Variants in OR6N1 observed in about 807,000 individuals in gnomAD.
OR6N1 encodes olfactory receptor 6N1.
For synonymous variants in OR6N1, 170 were observed against 150.7 expected, an observed-to-expected ratio of 1.13 and a Z score of -0.94; for missense variants, 394 against 371.7, an observed-to-expected ratio of 1.06 and a Z score of -0.49.
the OR6N1 span, among the ~76,000 whole-genome samples, chr1:158,825,640 G>T: frequency 3.9e-5 from 6 of 152,144 alleles, no homozygotes; most frequent in Non-Finnish European, 7.4e-5. Context: ...TGCTGGCAAG[G>T]TTACAGAGAA....
In OR6N1 at chr1:158,766,320, A is replaced by T. The variant is rs367811958; in HGVS notation, c.363T>A (p.Asp121Glu). 3.0e-5 allele frequency: 49 copies of T among 1,613,990 alleles called. No individual in the cohort carries two copies. In the African/African-American group the frequency reaches 6.0e-4, roughly 20 times the overall value. The part of the protein sequence containing the change: ...ECYLLTAMAY[D>E]RYLAICRPLH... ...GGGGCCGGCAGATGGCTAAATACCT[A>T]TCGTAGGCCATAGCTGTCAGGAGAT... The change falls in exon 2 of 2, where the codon GAT becomes GAA. Residue 121 changes from aspartate (D) to glutamate (E), a missense_variant. Transcript: ENST00000641846.
the OR6N1 span, among the ~76,000 whole-genome samples, chr1:158,811,256 G>A: frequency 0.13 from 19,448 of 152,062 alleles, 1,728 homozygotes; most frequent in South Asian, 0.35. Flanking sequence ...CAGCAGTGCC[G>A]TCACTTCTGC....
At chr1:158,793,280 A>T in the OR6N1 span, among the ~76,000 whole-genome samples, 2 of 151,862 alleles carry the variant, frequency 1.3e-5, no homozygotes, top group East Asian at 3.9e-4. Flanking sequence ...TATTTCAAAG[A>T]TTTCATCTTG....
chr1:158,764,593 T>C lies in OR6N1; in HGVS notation c.*1151A>G, dbSNP rs1195485472. ...TTTGTAATCTTCTTAGGAAGTTCTA[T>C]AGAATTCAAAGATTTCTTGTAGTTA... On this transcript the variant is annotated 3_prime_UTR_variant, in exon 2 of 2. Coordinates refer to ENST00000641846, the MANE Select transcript of OR6N1 (RefSeq NM_001005185.2). 1 of 152,100 alleles carries C rather than the reference T, an allele frequency of 6.6e-6. No individual in the cohort carries two copies. The highest frequency in any genetic ancestry group is 1.5e-5 in the Non-Finnish European group (1 of 67,968). 9.4% of individuals were successfully genotyped at this position (152,100 alleles called of 1,614,324 possible). A position where few individuals can be genotyped will look rare whatever the true frequency, so the allele number is the denominator to read the frequency against.
chr1:158,777,742 A>G, the OR6N1 span: 3 of 672,804 alleles, frequency 4.5e-6, no homozygotes, highest in Non-Finnish European at 5.1e-6. Context: ...TAAAAGTAGC[A>G]CTGAAATTAC....
chr1:158,773,652 T>C (rs1213077745), upstream of OR6N1, among the ~76,000 whole-genome samples: 1 of 152,104 alleles, frequency 6.6e-6, no homozygotes, highest in Non-Finnish European at 1.5e-5. Context: ...GCAAAAATGA[T>C]TTCATCCACC....
Position 158,766,231 on chromosome 1 carries a change from C to T in OR6N1, c.452G>A (p.Gly151Glu). 1 of 1,614,086 alleles carries T rather than the reference C, an allele frequency of 6.2e-7. No homozygotes were observed. The highest frequency in any genetic ancestry group is 8.5e-7 in the Non-Finnish European group (1 of 1,180,028). Residue 151 changes from glycine (G) to glutamate (E), a missense_variant, in exon 2 of 2, where the codon GGA becomes GAA. Transcript: ENST00000641846. ...CAEIAIGCWL[G>E]GLAGPVVEIS... ...TTCAACTACTGGCCCAGCCAAGCCT[C>T]CCAACCAACAGCCAATGGCAATCTC...
the OR6N1 span, among the ~76,000 whole-genome samples, chr1:158,827,232 A>T: frequency 2.0e-5 from 3 of 152,198 alleles, no homozygotes; most frequent in Admixed American, 2.0e-4. Context: ...CCAAATGAAA[A>T]CACAAGGATA....
In OR6N1 at chr1:158,765,912, G is replaced by A; in HGVS notation, c.771C>T (p.Ser257=). The A allele has an allele frequency of 6.2e-7, 1 of 1,614,142 alleles. No individual in the cohort carries two copies. The highest frequency in any genetic ancestry group is 1.3e-5 in the African/African-American group (1 of 75,038). ...VVLIFYGSIL[S]MYVQLKKSYS... is the part of the protein sequence containing the mutation. ...AGCTCTTCTTCAGCTGCACATACAT[G>A]GAAAGGATGCTCCCATAGAAGATGA... The change falls in exon 2 of 2, where the codon TCC becomes TCT. Residue 257 remains serine (S), a synonymous_variant. Transcript: ENST00000641846.
chr1:158,809,331 T>C, the OR6N1 span: 1 of 152,618 alleles, frequency 6.6e-6, no homozygotes, highest in Non-Finnish European at 1.5e-5. Context: ...ACTGACGTGA[T>C]CCATGATTCC....
At chr1:158,834,502 T>C in the OR6N1 span, among the ~76,000 whole-genome samples, 1 of 152,194 alleles carries the variant, frequency 6.6e-6, no homozygotes, top group Non-Finnish European at 1.5e-5. Context: ...GAGTTGGCTG[T>C]ATATTCTGGA....
the OR6N1 span, among the ~76,000 whole-genome samples, chr1:158,813,999 C>T: frequency 6.6e-6 from 1 of 152,050 alleles, no homozygotes; most frequent in Non-Finnish European, 1.5e-5. Flanking sequence ...CATGCCTAGC[C>T]AGATGTACTG....
chr1:158,829,748 T>C, the OR6N1 span, among the ~76,000 whole-genome samples: 1 of 152,182 alleles, frequency 6.6e-6, no homozygotes, highest in Non-Finnish European at 1.5e-5. Flanking sequence ...TCTGTTTTCA[T>C]GCTGTTGATA....
the OR6N1 span, among the ~76,000 whole-genome samples, chr1:158,778,298 T>C: frequency 1.3e-5 from 2 of 152,214 alleles, no homozygotes; most frequent in African/African-American, 4.8e-5. Context: ...ACAGAACACT[T>C]CAGTGTGCCT....
At chr1:158,771,780 T>C (rs1279887611) in intron 1 of OR6N1, among the ~76,000 whole-genome samples, 1 of 152,228 alleles carries the variant, frequency 6.6e-6, no homozygotes, top group Admixed American at 6.5e-5. Flanking sequence ...AGAAGACTTG[T>C]TCCAGTTTAC....
chr1:158,810,290 C>T, the OR6N1 span, among the ~76,000 whole-genome samples: 3 of 152,126 alleles, frequency 2.0e-5, no homozygotes, highest in East Asian at 1.9e-4. Flanking sequence ...CTCATCTTTT[C>T]GGCCCCACTC....
chr1:158,775,314 A>T (rs1327383632), upstream of OR6N1: 1 of 152,204 alleles, frequency 6.6e-6, no homozygotes, highest in Non-Finnish European at 1.5e-5. Flanking sequence ...ACCAAATGAA[A>T]TGTTGGGGAA....
At position 158,765,628 on chromosome 1, in the gene OR6N1, G is replaced by A. The variant is rs1227438361; in HGVS notation, c.*116C>T. 3 of 838,542 alleles carry A rather than the reference G, an allele frequency of 3.6e-6. No homozygotes were observed. The highest frequency in any genetic ancestry group is 2.5e-5 in the East Asian group (1 of 40,790). 51.9% of individuals were successfully genotyped at this position (838,542 alleles called of 1,614,324 possible). A position where few individuals can be genotyped will look rare whatever the true frequency, so the allele number is the denominator to read the frequency against. ...TGGAAGTCAGTCAGCACTTGCTGCA[G>A]CTCCACCACCCCACATAGAAAAGCA... On this transcript the variant is annotated 3_prime_UTR_variant, in exon 2 of 2. Transcript: ENST00000641846.
upstream of OR6N1, chr1:158,776,760 A>C: frequency 1.2e-6 from 2 of 1,614,016 alleles, no homozygotes; most frequent in Non-Finnish European, 1.7e-6. Flanking sequence ...CCTTGTTACG[A>C]AGACTGTAGA....
Sources: allele counts gnomAD v4.1 joint callset (sites outside exome capture counted in the v4.1 genomes callset), GRCh38; gene constraint gnomAD v4.1.1; transcripts MANE v1.5; gene names NCBI Gene and HGNC (gene_info 2026-07-23, HGNC 2026-07-21).